The following ZNF609 variants were observed in gnomAD, a reference collection of about 807,000 sequenced individuals.
ZNF609 encodes the protein zinc finger protein 609.
A neutral mutation model predicts 109.5 loss-of-function variants in ZNF609; 11 were observed. The observed-to-expected ratio is 0.10, with a 90% confidence interval of 0.06 to 0.17. The LOEUF is 0.17. ZNF609 is among the 10% of genes least tolerant of loss of function. ZNF609 has a pLI of 1.00. For synonymous variants in ZNF609, 646 were observed against 662.0 expected, an observed-to-expected ratio of 0.98 and a Z score of 0.37; for missense variants, 1,559 against 1,772.4, an observed-to-expected ratio of 0.88 and a Z score of 2.16.
intron 2 of ZNF609, among the ~76,000 whole-genome samples, chr15:64,609,336 TTTTG>T (rs902181023): frequency 5.3e-5 from 8 of 151,526 alleles, no homozygotes; most frequent in African/African-American, 1.2e-4. Context: ...TAATTTTTGT[TTTTG>T]TTTGTTTGTT....
chr15:64,614,720 G>GT (rs760088525), intron 2 of ZNF609, among the ~76,000 whole-genome samples: 3 of 148,558 alleles, frequency 2.0e-5, no homozygotes, highest in Non-Finnish European at 3.0e-5. Flanking sequence ...CCTCTGCCCT[G>GT]TATACCTATA....
rs1284408434 is a variant in ZNF609 at position 64,622,681 on chromosome 15, A to C, written c.748-146A>C. On this transcript the variant is annotated intron_variant, in intron 2 of 9. Coordinates refer to ENST00000326648, the MANE Select transcript of ZNF609 (RefSeq NM_015042.2). ...TAGATTTGTAGTGGTATCATAAGCCAGAACTTGAAAGGAAGAACCAAAGTC... is the reference window on the plus strand; with the variant it reads ...TAGATTTGTAGTGGTATCATAAGCCCGAACTTGAAAGGAAGAACCAAAGTC... The C allele has an allele frequency of 2.9e-5, 20 of 686,476 alleles. No individual in the cohort carries two copies. In the Admixed American group the frequency reaches 4.1e-4, roughly 14 times the overall value. 42.5% of individuals were successfully genotyped at this position (686,476 alleles called of 1,614,324 possible).
At chr15:64,609,254 C>T (rs952966615) in intron 2 of ZNF609, among the ~76,000 whole-genome samples, 1 of 151,276 alleles carries the variant, frequency 6.6e-6, no homozygotes, top group African/African-American at 2.4e-5. Flanking sequence ...GGTGCAGTCT[C>T]GGCTCACTGC....
intron 6 of ZNF609, among the ~76,000 whole-genome samples, chr15:64,679,692 G>A (rs1193776910): frequency 3.3e-5 from 5 of 152,300 alleles, no homozygotes; most frequent in East Asian, 1.9e-4. Context: ...TGAGCCAGGC[G>A]CTGTCCTCTG....
In ZNF609 at chr15:64,678,263, A is replaced by C; in HGVS notation, c.3550A>C (p.Lys1184Gln). 1 of 1,614,138 alleles carries C rather than the reference A, an allele frequency of 6.2e-7. No homozygotes were observed. The highest frequency in any genetic ancestry group is 8.5e-7 in the Non-Finnish European group (1 of 1,180,018). ...GGACTCTGTCCCCAAGGAAGATGGG[A>C]AGGAAAGCACAAGTAGTGACTGCAA... Reference protein sequence around the residue: ...SKDSVPKEDGKESTSSDCKLP... With the variant: ...SKDSVPKEDGQESTSSDCKLP... Residue 1184 changes from lysine (K) to glutamine (Q), a missense_variant, in exon 6 of 10, where the codon AAG (lysine) becomes CAG (glutamine). This residue lies in a region of ZNF609 where 1,204 missense variants were observed against 1,314.1 expected (regional missense o/e 0.92). Transcript: ENST00000326648.
chr15:64,612,008 TA>T lies in ZNF609; in HGVS notation c.748-10818del, dbSNP rs1345314380. Among the ~76,000 whole-genome samples the T allele has an allele frequency of 3.6e-4, 55 of 152,038 alleles. 1 individual carries two copies. Among genetic ancestry groups the T allele is most frequent in the African/African-American group, 1.2e-3 (48 of 41,460 alleles). The stretch of plus-strand genomic sequence containing the variant: ...CCTCAGCCTCCCAAAGTGCTGGGAT[TA>T]CAGGCATGAGCCACCGTGCCCAGCC... On this transcript the variant is annotated intron_variant, in intron 2 of 9. Transcript: ENST00000326648.
In ZNF609 at chr15:64,684,191, G is replaced by A. The variant is rs1221939256; in HGVS notation, c.*2505G>A. On this transcript the variant is annotated 3_prime_UTR_variant, in exon 10 of 10. Transcript: ENST00000326648. ...AAGATTTGCTGCCCACCTCTACATGGGGAGGAGAAACACAGGTGGGAGCTA... is the reference window on the plus strand; with the variant it reads ...AAGATTTGCTGCCCACCTCTACATGAGGAGGAGAAACACAGGTGGGAGCTA... 2 of 152,164 alleles carry A rather than the reference G, an allele frequency of 1.3e-5. No homozygotes were observed. The highest frequency in any genetic ancestry group is 2.1e-4 in the South Asian group (1 of 4,812). The allele number at this position is 152,164 out of a possible 1,614,324, so 9.4% of individuals were successfully genotyped here.
rs780052788 is a variant in ZNF609 at position 64,674,440 on chromosome 15, C to T, written c.1586C>T (p.Ala529Val). 26 of 1,614,068 alleles carry T rather than the reference C, an allele frequency of 1.6e-5. No individual in the cohort carries two copies. The highest frequency in any genetic ancestry group is 4.0e-5 in the African/African-American group (3 of 74,920). The change falls in exon 5 of 10, where the codon GCG (alanine) becomes GTG (valine). Residue 529 changes from alanine to valine, a missense_variant. Around this residue, in one of 4 missense-constraint regions of ZNF609, gnomAD observed 1,204 missense variants for 1,314.1 expected, o/e 0.92. Coordinates refer to ENST00000326648, the MANE Select transcript of ZNF609 (RefSeq NM_015042.2). Reference sequence around the variant, plus strand: ...ACAGATGATGACAGCAAGCCGGAAGCGGATGGGGACAGTGAGTACGGAGAG... The same window carrying T: ...ACAGATGATGACAGCAAGCCGGAAGTGGATGGGGACAGTGAGTACGGAGAG... ...AHTDDDSKPEADGDSEYGEEP... is the reference protein window; with the variant it reads ...AHTDDDSKPEVDGDSEYGEEP...
rs551272203 is a variant in ZNF609, at chr15:64,683,234, C to T, written c.*1548C>T. The T allele has an allele frequency of 5.9e-5, 9 of 152,656 alleles. No individual in the cohort carries two copies. The highest frequency in any genetic ancestry group is 2.2e-4 in the African/African-American group (9 of 41,530). 9.5% of individuals were successfully genotyped at this position (152,656 alleles called of 1,614,324 possible). ...GAGAGAGATAAAGACTGACAGACACCAGTGTAGGCTGGAAAAGGGAGTGTG... is the reference window on the plus strand; with the variant it reads ...GAGAGAGATAAAGACTGACAGACACTAGTGTAGGCTGGAAAAGGGAGTGTG... On this transcript the variant is annotated 3_prime_UTR_variant, in exon 10 of 10. Coordinates refer to ENST00000326648, the MANE Select transcript of ZNF609 (RefSeq NM_015042.2).
chr15:64,531,092 G>A (rs1894054325), intron 2 of ZNF609, among the ~76,000 whole-genome samples: 1 of 152,076 alleles, frequency 6.6e-6, no homozygotes, highest in African/African-American at 2.4e-5. Flanking sequence ...GCTCTCCTGT[G>A]GGACCATGGA....
chr15:64,677,483 G>A (rs772625663), intron 5 of ZNF609, among the ~76,000 whole-genome samples: 6 of 152,146 alleles, frequency 3.9e-5, no homozygotes, highest in Non-Finnish European at 8.8e-5. Flanking sequence ...CAGGTATCTC[G>A]ATTCCTTGTC....
Position 64,508,684 on chromosome 15 carries a change from A to ATT in ZNF609, c.747+8539_747+8540dup, listed in dbSNP as rs1160116983. On this transcript the variant is annotated intron_variant, in intron 2 of 9. Coordinates refer to ENST00000326648, the MANE Select transcript of ZNF609 (RefSeq NM_015042.2). The stretch of plus-strand genomic sequence containing the variant: ...AAACTCTAGGCTTGAGACCCAGAAA[A>ATT]TTTTTTTTTTTTTTTTTTTTTTGAG... Among the ~76,000 whole-genome samples, 99 of 130,470 alleles carry ATT rather than the reference A, an allele frequency of 7.6e-4. 1 individual carries two copies. The highest frequency in any genetic ancestry group is 8.5e-4 in the Non-Finnish European group (52 of 61,158). 85.6% of individuals were successfully genotyped at this position (130,470 alleles called of 152,430 possible).
At chr15:64,552,067 C>G (rs766960669) in intron 2 of ZNF609, among the ~76,000 whole-genome samples, 1 of 150,940 alleles carries the variant, frequency 6.6e-6, no homozygotes, top group Non-Finnish European at 1.5e-5. Context: ...GTTCTTGATA[C>G]GTTGTGCATG....
At chr15:64,513,945 A>G (rs1346653936) in intron 2 of ZNF609, among the ~76,000 whole-genome samples, 1 of 152,108 alleles carries the variant, frequency 6.6e-6, no homozygotes, top group African/African-American at 2.4e-5. Context: ...CTAAAAAATT[A>G]GCTGGGTGTG....
intron 2 of ZNF609, among the ~76,000 whole-genome samples, chr15:64,570,096 G>T (rs1016439343): frequency 2.0e-5 from 3 of 152,194 alleles, no homozygotes; most frequent in Non-Finnish European, 4.4e-5. Flanking sequence ...CTGTGCTCAA[G>T]TGATCCCCCT....
intron 2 of ZNF609, among the ~76,000 whole-genome samples, chr15:64,574,048 C>G (rs1279603957): frequency 1.3e-5 from 2 of 152,086 alleles, no homozygotes; most frequent in Non-Finnish European, 2.9e-5. Context: ...CTTGCCCCTG[C>G]TAAAAAACTA....
chr15:64,594,556 T>C (rs1398458728), intron 2 of ZNF609, among the ~76,000 whole-genome samples: 4 of 151,658 alleles, frequency 2.6e-5, no homozygotes, highest in Non-Finnish European at 5.9e-5. Flanking sequence ...CAGCCTGGTC[T>C]CTAACTCCTG....
chr15:64,685,754 G>A lies in ZNF609; in HGVS notation c.*4068G>A, dbSNP rs908101956. On this transcript the variant is annotated 3_prime_UTR_variant, in exon 10 of 10. Coordinates refer to ENST00000326648, the MANE Select transcript of ZNF609 (RefSeq NM_015042.2). ...CCCCTAAAACTCCCCCGACATTCCA[G>A]CCTCTAGAATGCTCTGATCCAGAGC... 1 of 152,676 alleles carries A rather than the reference G, an allele frequency of 6.5e-6. No homozygotes were observed. The highest frequency in any genetic ancestry group is 2.4e-5 in the African/African-American group (1 of 41,416). 9.5% of individuals were successfully genotyped at this position (152,676 alleles called of 1,614,324 possible).
intron 2 of ZNF609, among the ~76,000 whole-genome samples, chr15:64,567,349 G>C (rs1208548266): frequency 6.6e-6 from 1 of 151,832 alleles, no homozygotes; most frequent in African/African-American, 2.4e-5. Flanking sequence ...GGACGTGGTG[G>C]TGCGCACCTG....
Sources: gnomAD v4.1 joint callset for allele counts (sites outside exome capture counted in the v4.1 genomes callset) on GRCh38, gnomAD v4.1.1 for gene constraint, gnomAD v4.1.1 regional missense constraint, MANE v1.5 for transcripts, NCBI Gene and HGNC (gene_info 2026-07-23, HGNC 2026-07-21) for gene names.